QTMAN: variants seen among roughly 807,000 people sequenced by gnomAD.
QTMAN encodes the protein tRNA-queuosine alpha-mannosyltransferase.
At chr2:144,097,988 C>T in the QTMAN span, among the ~76,000 whole-genome samples, 1 of 152,208 alleles carries the variant, frequency 6.6e-6, no homozygotes, top group Admixed American at 6.5e-5. Flanking sequence ...TATACTCTGT[C>T]TCTCTGCACT....
the QTMAN span, among the ~76,000 whole-genome samples, chr2:144,144,977 A>T: frequency 1.3e-5 from 2 of 150,234 alleles, no homozygotes; most frequent in East Asian, 1.9e-4. Context: ...TTGTCGAAGT[A>T]ACAATAGAGG....
chr2:144,051,266 C>T, the QTMAN span, among the ~76,000 whole-genome samples: 1 of 152,064 alleles, frequency 6.6e-6, no homozygotes, highest in South Asian at 2.1e-4. Flanking sequence ...TGTGTTGGCT[C>T]ATACCTATAA....
At chr2:144,085,766 CTT>C in the QTMAN span, among the ~76,000 whole-genome samples, 1 of 152,282 alleles carries the variant, frequency 6.6e-6, no homozygotes, top group South Asian at 2.1e-4. Flanking sequence ...TAAAGACACA[CTT>C]ATAAATTTTG....
chr2:144,241,629 C>T, the QTMAN span, among the ~76,000 whole-genome samples: 2 of 152,132 alleles, frequency 1.3e-5, no homozygotes, highest in Non-Finnish European at 2.9e-5. Flanking sequence ...AATATTCTTG[C>T]TGATCTTTCT....
At chr2:144,281,378 T>C in the QTMAN span, among the ~76,000 whole-genome samples, 9 of 102,100 alleles carry the variant, frequency 8.8e-5, no homozygotes, top group East Asian at 2.8e-3. Flanking sequence ...AGACTCTCCA[T>C]AGCAGCATTG....
At chr2:144,304,209 A>G in the QTMAN span, among the ~76,000 whole-genome samples, 1 of 152,202 alleles carries the variant, frequency 6.6e-6, no homozygotes, top group Non-Finnish European at 1.5e-5. Flanking sequence ...GAGGATAAAG[A>G]AGAATCACAC....
At chr2:144,182,896 ATATAT>A in the QTMAN span, among the ~76,000 whole-genome samples, 1 of 92,700 alleles carries the variant, frequency 1.1e-5, no homozygotes, top group African/African-American at 4.2e-5. Flanking sequence ...TTATATATAT[ATATAT>A]TATATATATA....
chr2:144,103,788 T>G, the QTMAN span, among the ~76,000 whole-genome samples: 3 of 152,200 alleles, frequency 2.0e-5, no homozygotes, highest in African/African-American at 7.2e-5. Context: ...CAGTTAGGTC[T>G]TATTAAAACT....
chr2:144,201,159 A>C, the QTMAN span, among the ~76,000 whole-genome samples: 1 of 152,194 alleles, frequency 6.6e-6, no homozygotes. Flanking sequence ...GAGGCAGAAA[A>C]AGAGTGCTAA....
chr2:144,078,798 T>C, the QTMAN span, among the ~76,000 whole-genome samples: 1 of 152,156 alleles, frequency 6.6e-6, no homozygotes, highest in Non-Finnish European at 1.5e-5. Context: ...TAAATCTTTG[T>C]TCTAACACAT....
chr2:144,187,739 T>A, the QTMAN span, among the ~76,000 whole-genome samples: 1 of 152,290 alleles, frequency 6.6e-6, no homozygotes, highest in Non-Finnish European at 1.5e-5. Context: ...TTACACTGAA[T>A]TCTGGGATGA....
At chr2:144,129,000 G>C in the QTMAN span, among the ~76,000 whole-genome samples, 1 of 151,360 alleles carries the variant, frequency 6.6e-6, no homozygotes, top group Non-Finnish European at 1.5e-5. Flanking sequence ...GCATTCTACT[G>C]TCCCACTGTC....
the QTMAN span, among the ~76,000 whole-genome samples, chr2:144,129,982 T>C: frequency 6.6e-6 from 1 of 151,574 alleles, no homozygotes; most frequent in Non-Finnish European, 1.5e-5. Flanking sequence ...TTTTTGTAAA[T>C]GGATTTGAGA....
At chr2:144,000,299 C>T in the QTMAN span, among the ~76,000 whole-genome samples, 1 of 151,938 alleles carries the variant, frequency 6.6e-6, no homozygotes, top group African/African-American at 2.4e-5. Context: ...TAGTAAAATT[C>T]TTTAGAGAGC....
the QTMAN span, among the ~76,000 whole-genome samples, chr2:144,331,238 A>G: frequency 2.0e-5 from 3 of 152,176 alleles, no homozygotes; most frequent in African/African-American, 4.8e-5. Flanking sequence ...TTAAAATTCA[A>G]TATTTCACTT....
the QTMAN span, among the ~76,000 whole-genome samples, chr2:144,142,401 C>T: frequency 2.0e-5 from 3 of 151,834 alleles, no homozygotes; most frequent in Non-Finnish European, 2.9e-5. Flanking sequence ...CCTTTTTCTT[C>T]GTGGCCCAGC....
the QTMAN span, among the ~76,000 whole-genome samples, chr2:144,066,740 T>C: frequency 2.0e-5 from 3 of 152,190 alleles, no homozygotes; most frequent in African/African-American, 7.2e-5. Context: ...TGCTTGAACC[T>C]GGGAGGCGGA....
the QTMAN span, among the ~76,000 whole-genome samples, chr2:144,295,759 T>C: frequency 2.0e-5 from 3 of 152,032 alleles, no homozygotes; most frequent in African/African-American, 7.2e-5. Flanking sequence ...ACTACAGGTA[T>C]GTGGCACCAT....
At chr2:144,184,010 C>T in the QTMAN span, among the ~76,000 whole-genome samples, 1 of 152,166 alleles carries the variant, frequency 6.6e-6, no homozygotes, top group South Asian at 2.1e-4. Flanking sequence ...ATACGCACGG[C>T]TCGTGGGCTG....
Sources: gnomAD v4.1 joint callset for allele counts (sites outside exome capture counted in the v4.1 genomes callset) on GRCh38, gnomAD v4.1.1 for gene constraint, MANE v1.5 for transcripts, NCBI Gene and HGNC (gene_info 2026-07-23, HGNC 2026-07-21) for gene names.